The following ANK1 variants were observed in gnomAD, a reference collection of about 807,000 sequenced individuals.
The protein encoded by ANK1 is ankyrin 1, also known as ankyrin-1.
Under a neutral mutation model 210.4 loss-of-function variants are expected in ANK1, and 51 were observed. The ratio of observed to expected loss-of-function variants is 0.24; its 90% CI spans 0.19 to 0.31. The LOEUF is 0.31. ANK1 is among the 10% of genes least tolerant of loss of function. The probability of loss-of-function intolerance (pLI) is 1.00; values close to 1 mark genes in which losing one functional copy is unlikely to be tolerated. For missense variants in ANK1, 2,051 were observed against 2,504.4 expected (o/e 0.82, Z 3.86); for synonymous variants, 967 against 1,025.9 (o/e 0.94, Z 1.10).
At chr8:41,753,919 G>A (rs1047154074) in intron 2 of ANK1, among the ~76,000 whole-genome samples, 3 of 152,060 alleles carry the variant, frequency 2.0e-5, no homozygotes, top group Non-Finnish European at 2.9e-5. Flanking sequence ...CTCTAAGACC[G>A]GCATGTTCTC....
chr8:41,794,043 G>T (rs377000818), intron 1 of ANK1, among the ~76,000 whole-genome samples: 1 of 152,220 alleles, frequency 6.6e-6, no homozygotes, highest in Admixed American at 6.5e-5. Context: ...CACTATATCA[G>T]GTGGTTTAAT....
At chr8:41,819,890 G>A (rs556053252) in intron 1 of ANK1, among the ~76,000 whole-genome samples, 1 of 152,334 alleles carries the variant, frequency 6.6e-6, no homozygotes, top group Admixed American at 6.5e-5. Flanking sequence ...ACACAGCAAA[G>A]TTCGTCTAAA....
chr8:41,858,359 AAAAAG>A (rs1234598897), intron 1 of ANK1, among the ~76,000 whole-genome samples: 2 of 152,076 alleles, frequency 1.3e-5, no homozygotes, highest in Non-Finnish European at 1.5e-5. Flanking sequence ...AAAAAAAAAA[AAAAAG>A]AAGAAGAAAA....
At chr8:41,713,721 CA>C (rs1826814712) in intron 16 of ANK1, among the ~76,000 whole-genome samples, 1 of 152,210 alleles carries the variant, frequency 6.6e-6, no homozygotes, top group African/African-American at 2.4e-5. Context: ...GCCTTGGAAC[CA>C]TGCAGAGAGT....
At chr8:41,735,742 C>T (rs1191864593) in intron 2 of ANK1, among the ~76,000 whole-genome samples, 1 of 152,188 alleles carries the variant, frequency 6.6e-6, no homozygotes, top group Non-Finnish European at 1.5e-5. Context: ...CCATAACTAG[C>T]AGAGGAAAGT....
chr8:41,779,730 T>C (rs1188039168), intron 1 of ANK1, among the ~76,000 whole-genome samples: 1 of 152,202 alleles, frequency 6.6e-6, no homozygotes, highest in Non-Finnish European at 1.5e-5. Context: ...GTTCTACTTA[T>C]CCTTATTTTA....
intron 1 of ANK1, among the ~76,000 whole-genome samples, chr8:41,813,631 T>C (rs1802822067): frequency 6.6e-6 from 1 of 152,212 alleles, no homozygotes; most frequent in South Asian, 2.1e-4. Flanking sequence ...TATAAGCTCT[T>C]TGAAGTCTGT....
chr8:41,695,651 C>T (rs929549533), intron 26 of ANK1, among the ~76,000 whole-genome samples: 1 of 152,256 alleles, frequency 6.6e-6, no homozygotes, highest in African/African-American at 2.4e-5. Context: ...CATCCCTAGA[C>T]GGGTGACCTC....
intron 4 of ANK1, 139 bp from the exon 5 acceptor site, chr8:41,727,487 T>C (rs1831010790): frequency 1.4e-6 from 1 of 731,636 alleles, no homozygotes; most frequent in Non-Finnish European, 2.4e-6. Context: ...AGGAAACTCA[T>C]TGTCATGGTG....
At chr8:41,690,402 G>C (rs1344397048) in intron 32 of ANK1, 56 bp from the exon 33 acceptor site, 1 of 1,614,120 alleles carries the variant, frequency 6.2e-7, no homozygotes, top group Admixed American at 1.7e-5. Flanking sequence ...CCACCCGGCT[G>C]TCTGGTTTAG....
chr8:41,800,339 C>T (rs1466397285), upstream of ANK1, among the ~76,000 whole-genome samples: 1 of 152,168 alleles, frequency 6.6e-6, no homozygotes, highest in East Asian at 1.9e-4. Context: ...TGTGAAGAAA[C>T]GGAGGCACGG....
intron 1 of ANK1, among the ~76,000 whole-genome samples, chr8:41,761,851 C>T (rs867085448): frequency 1.3e-5 from 2 of 152,154 alleles, no homozygotes; most frequent in Middle Eastern, 3.2e-3. Flanking sequence ...TCCCTCCACA[C>T]TCAGGTGCTG....
chr8:41,739,629 A>G (rs1834251228), intron 2 of ANK1, among the ~76,000 whole-genome samples: 1 of 151,132 alleles, frequency 6.6e-6, no homozygotes, highest in African/African-American at 2.4e-5. Flanking sequence ...CTGGAAATCA[A>G]CATGCCTCTT....
intron 38 of ANK1, among the ~76,000 whole-genome samples, chr8:41,669,385 C>T (rs752066327): frequency 6.6e-6 from 1 of 152,074 alleles, no homozygotes; most frequent in Non-Finnish European, 1.5e-5. Flanking sequence ...CAGCTCTGCA[C>T]TCCTGGGCTC....
intron 1 of ANK1, among the ~76,000 whole-genome samples, chr8:41,792,766 G>A (rs569462114): frequency 2.0e-5 from 3 of 152,326 alleles, no homozygotes; most frequent in African/African-American, 7.2e-5. Context: ...CCCAAGAGCA[G>A]AGTATCTAAA....
chr8:41,733,711 T>G (rs1832762489), intron 3 of ANK1, among the ~76,000 whole-genome samples: 1 of 152,180 alleles, frequency 6.6e-6, no homozygotes, highest in Non-Finnish European at 1.5e-5. Flanking sequence ...TCAAGGACCC[T>G]GAGAAAGTAT....
rs551994334 is a variant in ANK1, at chr8:41,714,136, G to A, written c.1800+20C>T. 9.0e-6 allele frequency: 12 copies of A among 1,328,866 alleles called. No homozygotes were observed. In the East Asian group the frequency reaches 3.0e-4, roughly 33 times the overall value. 82.3% of individuals were successfully genotyped at this position (1,328,866 alleles called of 1,614,324 possible). Reference sequence around the variant, plus strand: ...GTGACCTGCTCTCCAGGGGCAGCTGGGGAGAGGGGCGGGCCTTACCCAGGC... The same window carrying A: ...GTGACCTGCTCTCCAGGGGCAGCTGAGGAGAGGGGCGGGCCTTACCCAGGC... On this transcript the variant is annotated intron_variant, in intron 16 of 42. Transcript: ENST00000289734.
rs750068521 is a variant in ANK1 at position 41,708,917 on chromosome 8, C to T, written c.1859G>A (p.Ser620Asn). 207 of 1,614,028 alleles carry T rather than the reference C, an allele frequency of 1.3e-4. 1 individual carries two copies. Among genetic ancestry groups the T allele is most frequent in the Middle Eastern group, 6.6e-4 (4 of 6,082 alleles). ...TGCTGAGCCCCCATACTGCAGCAGA[C>T]TACGGGCCACCTCCACCTGGTTCTG... Reference protein sequence around the residue: ...AKQNQVEVARSLLQYGGSANA... With the variant: ...AKQNQVEVARNLLQYGGSANA... The change falls in exon 17 of 43, where the codon AGT becomes AAT. Residue 620 changes from serine to asparagine, a missense_variant. Around this residue, in one of 6 missense-constraint regions of ANK1, gnomAD observed 1,413 missense variants for 1,707.4 expected, o/e 0.83. Transcript: ENST00000289734.
chr8:41,842,236 T>C (rs1809064685), intron 1 of ANK1, among the ~76,000 whole-genome samples: 1 of 152,184 alleles, frequency 6.6e-6, no homozygotes, highest in Admixed American at 6.5e-5. Context: ...CTCACGCCTA[T>C]AATCCCAGCA....
Sources: allele counts gnomAD v4.1 joint callset (sites outside exome capture counted in the v4.1 genomes callset), GRCh38; gene constraint gnomAD v4.1.1; regional missense constraint gnomAD v4.1.1; transcripts MANE v1.5; gene names NCBI Gene and HGNC (gene_info 2026-07-23, HGNC 2026-07-21).